The following CADPS2 variants were observed in gnomAD, a reference collection of about 807,000 sequenced individuals.
CADPS2 encodes the protein calcium dependent secretion activator 2, also known as calcium-dependent secretion activator 2.
In CADPS2, 93 loss-of-function variants were observed where a neutral mutation model predicts 172.5. The ratio of observed to expected loss-of-function variants is 0.54; its 90% CI spans 0.46 to 0.64. The LOEUF is 0.64. Among genes scored for constraint, CADPS2 ranks in the 30% least tolerant of loss-of-function variants. The pLI is 0.00. For missense variants in CADPS2, 1,420 were observed against 1,565.9 expected (o/e 0.91, Z 1.57); for synonymous variants, 546 against 555.2 (o/e 0.98, Z 0.23).
intron 9 of CADPS2, among the ~76,000 whole-genome samples, chr7:122,492,235 T>C (rs1488040201): frequency 6.6e-6 from 1 of 152,006 alleles, no homozygotes; most frequent in African/African-American, 2.4e-5. Context: ...AAAATAAATC[T>C]CACTAAAAGT....
At chr7:122,697,977 T>C in intron 2 of CADPS2, 1 of 1,613,670 alleles carries the variant, frequency 6.2e-7, no homozygotes, top group Non-Finnish European at 8.5e-7. Flanking sequence ...GCAAAGGTTC[T>C]GTTCCATTTT....
chr7:122,434,835 T>A (rs2151920886), intron 17 of CADPS2, among the ~76,000 whole-genome samples: 1 of 152,216 alleles, frequency 6.6e-6, no homozygotes, highest in Admixed American at 6.5e-5. Flanking sequence ...ACTTTTTATT[T>A]AATAGCATTT....
intron 2 of CADPS2, among the ~76,000 whole-genome samples, chr7:122,705,661 A>ATATATAT (rs2086952715): frequency 1.2e-5 from 1 of 85,520 alleles, no homozygotes; most frequent in African/African-American, 4.9e-5. Flanking sequence ...AATATATCTC[A>ATATATAT]TATATAATAT....
At chr7:122,656,280 G>A (rs2079778826) in intron 3 of CADPS2, among the ~76,000 whole-genome samples, 1 of 152,084 alleles carries the variant, frequency 6.6e-6, no homozygotes, top group African/African-American at 2.4e-5. Context: ...GAAAAAAGGG[G>A]GAGAAAGCCA....
intron 2 of CADPS2, among the ~76,000 whole-genome samples, chr7:122,684,638 T>A (rs1489964103): frequency 6.6e-6 from 1 of 151,838 alleles, no homozygotes. Flanking sequence ...AGTCCTTTGC[T>A]GCTGATAAAA....
At chr7:122,659,310 T>TAAAA (rs34582432) in intron 3 of CADPS2, among the ~76,000 whole-genome samples, 45,816 of 128,696 alleles carry the variant, frequency 0.36, 8,659 homozygotes, top group Middle Eastern at 0.5. Flanking sequence ...ATGCTAGACA[T>TAAAA]AAAAAAAAAA....
intron 27 of CADPS2, chr7:122,357,294 A>G (rs2039529201): frequency 6.6e-6 from 1 of 152,146 alleles, no homozygotes; most frequent in Admixed American, 6.5e-5. Context: ...ACTGTGGAGA[A>G]AAACTTTATC....
At chr7:122,581,316 C>A in intron 6 of CADPS2, 26 bp from the exon 7 acceptor site, 1 of 1,572,620 alleles carries the variant, frequency 6.4e-7, no homozygotes. Flanking sequence ...AAAAATGTTT[C>A]TTAAAATGCA....
At chr7:122,481,162 C>CTTTTTTTTTTTT (rs35352953) in intron 11 of CADPS2, among the ~76,000 whole-genome samples, 1 of 107,546 alleles carries the variant, frequency 9.3e-6, no homozygotes, top group Non-Finnish European at 1.8e-5. Context: ...TTTCTTCATT[C>CTTTTTTTTTTTT]TTTTTTTTTT....
intron 1 of CADPS2, among the ~76,000 whole-genome samples, chr7:122,769,569 A>G (rs2093651771): frequency 6.6e-6 from 1 of 152,248 alleles, no homozygotes; most frequent in Non-Finnish European, 1.5e-5. Flanking sequence ...CATGCTATAC[A>G]CAGAACACAA....
chr7:122,697,075 A>T (rs1325565046), intron 2 of CADPS2, among the ~76,000 whole-genome samples: 1 of 152,174 alleles, frequency 6.6e-6, no homozygotes, highest in African/African-American at 2.4e-5. Flanking sequence ...ATGACTAAGT[A>T]TCAAAGTCGT....
intron 1 of CADPS2, among the ~76,000 whole-genome samples, chr7:122,771,856 G>C (rs551992528): frequency 1.3e-5 from 2 of 152,192 alleles, no homozygotes; most frequent in Non-Finnish European, 2.9e-5. Flanking sequence ...CAGAAAAAGA[G>C]TGTCAACTGA....
intron 20 of CADPS2, among the ~76,000 whole-genome samples, chr7:122,404,924 G>C (rs1554499649): frequency 6.6e-6 from 1 of 151,998 alleles, no homozygotes; most frequent in Non-Finnish European, 1.5e-5. Flanking sequence ...AGGAGATCGA[G>C]ACCATCCCTG....
intron 12 of CADPS2, among the ~76,000 whole-genome samples, chr7:122,476,836 C>T (rs1464934256): frequency 1.3e-5 from 2 of 152,024 alleles, no homozygotes; most frequent in African/African-American, 4.8e-5. Flanking sequence ...TTTCTTTCTA[C>T]ATCAGATCAG....
In CADPS2 at chr7:122,477,726, T is replaced by C. The variant is rs74924390; in HGVS notation, c.1861+3126A>G. Among the ~76,000 whole-genome samples the C allele has an allele frequency of 6.0e-4, 92 of 152,302 alleles. No homozygotes were observed. In the East Asian group the frequency reaches 0.011, roughly 19 times the overall value. On this transcript the variant is annotated intron_variant, in intron 12 of 29. Transcript: ENST00000449022. ...GATGTTAAGGGATACATATAGACAG[T>C]AAAATGGTTACAATACAGATGCAAA...
intron 9 of CADPS2, among the ~76,000 whole-genome samples, chr7:122,495,446 T>A (rs1457205209): frequency 2.6e-5 from 4 of 152,206 alleles, no homozygotes; most frequent in Admixed American, 2.6e-4. Context: ...TATGAATATA[T>A]CATACATATT....
chr7:122,727,287 C>A lies in CADPS2; in HGVS notation c.453+9668G>T, dbSNP rs373901124. ...ACCTTTGCAATGTGTTAGCTCTAAA[C>A]TGAGCAGCCTTTCCTTGGGCCTGGG... On this transcript the variant is annotated intron_variant, in intron 2 of 29. Transcript: ENST00000449022. Among the ~76,000 whole-genome samples the A allele has an allele frequency of 6.4e-4, 98 of 151,938 alleles. 1 individual carries two copies. The South Asian group carries it at 0.019, about 30-fold the overall frequency.
intron 2 of CADPS2, chr7:122,701,928 T>C: frequency 6.2e-7 from 1 of 1,613,710 alleles, no homozygotes. Flanking sequence ...TGTTTGCAAG[T>C]TAAAATGCGT....
At chr7:122,449,882 T>G (rs1234729382) in intron 15 of CADPS2, among the ~76,000 whole-genome samples, 1 of 152,280 alleles carries the variant, frequency 6.6e-6, no homozygotes, top group Admixed American at 6.5e-5. Context: ...CTACCCCTGG[T>G]TATCATGACA....
Sources: gnomAD v4.1 joint callset for allele counts (sites outside exome capture counted in the v4.1 genomes callset) on GRCh38, gnomAD v4.1.1 for gene constraint, MANE v1.5 for transcripts, NCBI Gene and HGNC (gene_info 2026-07-23, HGNC 2026-07-21) for gene names.